The following PTPRD variants were observed in gnomAD, a reference collection of about 807,000 sequenced individuals.
The protein encoded by PTPRD is receptor-type tyrosine-protein phosphatase delta.
Under a neutral mutation model 214.5 loss-of-function variants are expected in PTPRD, and 34 were observed. The observed-to-expected ratio is 0.16, with a 90% CI of 0.12 to 0.21. PTPRD has a LOEUF of 0.21. Among genes scored for constraint, PTPRD ranks in the 10% least tolerant of loss-of-function variants. The pLI, the probability that PTPRD is intolerant of heterozygous loss-of-function variation, is 1.00. For missense variants in PTPRD, 2,545 were observed against 2,398.7 expected, an observed-to-expected ratio of 1.06 and a Z score of -1.27; for synonymous variants, 1,128 against 845.7, an observed-to-expected ratio of 1.33 and a Z score of -5.79.
At chr9:10,176,960 CTT>C (rs1443163101) in intron 3 of PTPRD, among the ~76,000 whole-genome samples, 1 of 151,916 alleles carries the variant, frequency 6.6e-6, no homozygotes, top group Admixed American at 6.6e-5. Context: ...TGGTAGCTCT[CTT>C]ATACAGTGTT....
intron 9 of PTPRD, among the ~76,000 whole-genome samples, chr9:9,371,023 A>T (rs1352824629): frequency 1.3e-5 from 2 of 152,136 alleles, no homozygotes; most frequent in Non-Finnish European, 2.9e-5. Flanking sequence ...CCAGAATTTT[A>T]TTGAGGATTT....
At chr9:9,785,418 T>C (rs1399972471) in intron 5 of PTPRD, among the ~76,000 whole-genome samples, 2 of 152,100 alleles carry the variant, frequency 1.3e-5, no homozygotes, top group Admixed American at 6.5e-5. Context: ...ATCATTATCA[T>C]GTACCTTGAT....
intron 14 of PTPRD, among the ~76,000 whole-genome samples, chr9:8,606,872 G>GA (rs2095243278): frequency 6.6e-6 from 1 of 152,018 alleles, no homozygotes; most frequent in Non-Finnish European, 1.5e-5. Context: ...ATCTGTCACA[G>GA]TTTTTTTTGT....
intron 12 of PTPRD, among the ~76,000 whole-genome samples, chr9:8,693,982 T>G (rs1358372431): frequency 2.6e-5 from 4 of 152,200 alleles, no homozygotes; most frequent in Non-Finnish European, 4.4e-5. Context: ...AATTTTTACT[T>G]TACAAAAGCA....
intron 3 of PTPRD, among the ~76,000 whole-genome samples, chr9:10,160,597 T>G (rs2099121795): frequency 6.6e-6 from 1 of 151,932 alleles, no homozygotes; most frequent in Non-Finnish European, 1.5e-5. Flanking sequence ...AAAGGCTATG[T>G]AAGCCAAGCC....
In PTPRD at chr9:10,480,053, T is replaced by C. The variant is rs574234437; in HGVS notation, c.-600+132345A>G. ...GATTGTTCTCATCCTGGTGAAAGTA[T>C]ACTCCAATAAATAGGTCTCATAAGC... is the stretch of plus-strand genomic sequence containing the variant. On this transcript the variant is annotated intron_variant, in intron 2 of 45. Coordinates refer to ENST00000381196, the MANE Select transcript of PTPRD (RefSeq NM_002839.4). Among the ~76,000 whole-genome samples the C allele has an allele frequency of 2.2e-4, 33 of 152,310 alleles. 1 individual carries two copies. The South Asian group carries it at 6.2e-3, about 29-fold the overall frequency.
At chr9:9,858,144 A>G (rs1329292860) in intron 5 of PTPRD, among the ~76,000 whole-genome samples, 3 of 152,216 alleles carry the variant, frequency 2.0e-5, no homozygotes, top group Non-Finnish European at 4.4e-5. Flanking sequence ...CAGGCCCTGA[A>G]TTATAAAAAT....
chr9:10,555,379 T>C (rs1279386492), intron 2 of PTPRD, among the ~76,000 whole-genome samples: 1 of 152,188 alleles, frequency 6.6e-6, no homozygotes, highest in Non-Finnish European at 1.5e-5. Flanking sequence ...TTACTTCAAA[T>C]TGTATCAATA....
chr9:9,985,779 C>T (rs1461198546), intron 4 of PTPRD, among the ~76,000 whole-genome samples: 4 of 151,434 alleles, frequency 2.6e-5, no homozygotes, highest in African/African-American at 7.3e-5. Flanking sequence ...TTATGAAAAA[C>T]ATTTATAAAT....
chr9:9,543,954 A>T (rs952480431), intron 8 of PTPRD, among the ~76,000 whole-genome samples: 5 of 151,678 alleles, frequency 3.3e-5, no homozygotes, highest in Admixed American at 1.3e-4. Flanking sequence ...TCCAAATTTT[A>T]TCAGGTAACT....
intron 43 of PTPRD, among the ~76,000 whole-genome samples, chr9:8,335,964 G>A (rs1944260436): frequency 6.6e-6 from 1 of 152,026 alleles, no homozygotes; most frequent in South Asian, 2.1e-4. Flanking sequence ...AATAAGAGAG[G>A]ACACAAATGG....
chr9:9,546,765 T>G (rs1371391219), intron 8 of PTPRD, among the ~76,000 whole-genome samples: 1 of 151,780 alleles, frequency 6.6e-6, no homozygotes, highest in Non-Finnish European at 1.5e-5. Context: ...TTATATGCAT[T>G]ATGTTATTTA....
At position 9,977,215 on chromosome 9, in the gene PTPRD, G is replaced by A. The variant is rs375154800; in HGVS notation, c.-471-38605C>T. On this transcript the variant is annotated intron_variant, in intron 4 of 45. Transcript: ENST00000381196. ...TCCCAGCTCTGCTACTATTTGTGACGTACTATAACACACTGGGAGGTCTAA... is the reference window on the plus strand; with the variant it reads ...TCCCAGCTCTGCTACTATTTGTGACATACTATAACACACTGGGAGGTCTAA... Among the ~76,000 whole-genome samples the A allele has an allele frequency of 7.9e-4, 121 of 152,272 alleles. 3 individuals are homozygous for A. In the South Asian group the frequency reaches 0.024, roughly 30 times the overall value.
chr9:9,538,901 G>A (rs1394979356), intron 8 of PTPRD, among the ~76,000 whole-genome samples: 2 of 151,670 alleles, frequency 1.3e-5, no homozygotes, highest in Non-Finnish European at 2.9e-5. Context: ...ATATCATATG[G>A]ATATGTAATT....
chr9:8,457,328 T>C (rs1055669866), intron 33 of PTPRD, among the ~76,000 whole-genome samples: 1 of 152,116 alleles, frequency 6.6e-6, no homozygotes, highest in African/African-American at 2.4e-5. Context: ...TTTTAAGTCA[T>C]GGGCCATATA....
chr9:9,233,259 C>T (rs773655387), intron 9 of PTPRD, among the ~76,000 whole-genome samples: 19 of 152,076 alleles, frequency 1.2e-4, no homozygotes, highest in South Asian at 6.2e-4. Context: ...GCCAAGCAAA[C>T]GGGGAAAATC....
At chr9:9,828,156 A>G (rs1295632537) in intron 5 of PTPRD, among the ~76,000 whole-genome samples, 2 of 152,140 alleles carry the variant, frequency 1.3e-5, no homozygotes, top group African/African-American at 4.8e-5. Context: ...ATTACTGAGT[A>G]TATACCCAAA....
At chr9:8,724,072 T>A (rs1363314749) in intron 12 of PTPRD, among the ~76,000 whole-genome samples, 1 of 152,196 alleles carries the variant, frequency 6.6e-6, no homozygotes, top group African/African-American at 2.4e-5. Context: ...TTCATTGTTT[T>A]AAACTGATTC....
At chr9:9,280,934 T>A (rs575263357) in intron 9 of PTPRD, among the ~76,000 whole-genome samples, 23 of 151,134 alleles carry the variant, frequency 1.5e-4, no homozygotes, top group African/African-American at 5.1e-4. Context: ...AATAGATCAA[T>A]GGAACAGAAA....
Sources: gnomAD v4.1 joint callset for allele counts (sites outside exome capture counted in the v4.1 genomes callset) on GRCh38, gnomAD v4.1.1 for gene constraint, MANE v1.5 for transcripts, NCBI Gene and HGNC (gene_info 2026-07-23, HGNC 2026-07-21) for gene names.